NIPSNAP3B: variants seen among roughly 807,000 people sequenced by gnomAD.
NIPSNAP3B encodes the protein nipsnap homolog 3B, also known as protein NipSnap homolog 3B.
In NIPSNAP3B, 30 loss-of-function variants were observed where a neutral mutation model predicts 31.5. The ratio of observed to expected loss-of-function variants is 0.95; its 90% CI spans 0.71 to 1.29. The LOEUF (loss-of-function observed/expected upper bound fraction) is 1.29, where lower values mean the gene tolerates loss of function less well. NIPSNAP3B is among the 50% of genes most tolerant of loss of function. The probability of loss-of-function intolerance (pLI) is 0.00; values close to 1 mark genes in which losing one functional copy is unlikely to be tolerated. For synonymous variants in NIPSNAP3B, 106 were observed against 107.9 expected (o/e 0.98, Z 0.11); for missense variants, 269 against 300.7 (o/e 0.89, Z 0.78).
chr9:104,786,762 T>C, the NIPSNAP3B span: 1 of 1,027,106 alleles, frequency 9.7e-7, no homozygotes, highest in Non-Finnish European at 1.5e-6. Context: ...CAGGTAATAA[T>C]TGTTTTACTC....
At position 104,773,091 on chromosome 9, in the gene NIPSNAP3B, A is replaced by G. The variant is rs1828260947; in HGVS notation, c.*18A>G. ...TGAAATAGTTTTCTACTGAAATACAAAACATTTCATTAACTGCTCTAAGAT... is the reference window on the plus strand; with the variant it reads ...TGAAATAGTTTTCTACTGAAATACAGAACATTTCATTAACTGCTCTAAGAT... On this transcript the variant is annotated 3_prime_UTR_variant, in exon 6 of 6. Coordinates refer to ENST00000374762, the MANE Select transcript of NIPSNAP3B (RefSeq NM_018376.4). The G allele has an allele frequency of 6.2e-7, 1 of 1,607,218 alleles. No homozygotes were observed. The highest frequency in any genetic ancestry group is 8.5e-7 in the Non-Finnish European group (1 of 1,174,334).
intron 1 of NIPSNAP3B, among the ~76,000 whole-genome samples, chr9:104,764,640 A>G (rs758210907): frequency 9.9e-5 from 15 of 152,192 alleles, no homozygotes; most frequent in Non-Finnish European, 1.8e-4. Flanking sequence ...CCCGGGTTCA[A>G]GCGATTCTCC....
At chr9:104,768,511 C>T (rs1349314027) in intron 2 of NIPSNAP3B, among the ~76,000 whole-genome samples, 1 of 152,186 alleles carries the variant, frequency 6.6e-6, no homozygotes, top group Admixed American at 6.5e-5. Context: ...TTCATTTAAT[C>T]CTCACAACAA....
At chr9:104,785,361 T>C in the NIPSNAP3B span, 1 of 1,612,796 alleles carries the variant, frequency 6.2e-7, no homozygotes, top group African/African-American at 1.3e-5. Context: ...ATCCACACCC[T>C]GAGAAGTAAA....
In NIPSNAP3B at chr9:104,777,352, G is replaced by A. The variant is rs1828358266; in HGVS notation, c.*4279G>A. The stretch of plus-strand genomic sequence containing the variant: ...GAACCTGGAGTATGTTGGAAGAAGT[G>A]TTAGGTTCATTAGAGACACCTCTTT... On this transcript the variant is annotated 3_prime_UTR_variant, in exon 6 of 6. Transcript: ENST00000374762. The A allele has an allele frequency of 6.6e-6, 1 of 152,198 alleles. No homozygotes were observed. The allele number at this position is 152,198 out of a possible 1,614,324, so 9.4% of individuals were successfully genotyped here. A position where few individuals can be genotyped will look rare whatever the true frequency, so the allele number is the denominator to read the frequency against.
intron 1 of NIPSNAP3B, among the ~76,000 whole-genome samples, chr9:104,765,134 T>G (rs1377186909): frequency 6.6e-6 from 1 of 152,202 alleles, no homozygotes; most frequent in African/African-American, 2.4e-5. Context: ...AAGGGTTTTC[T>G]AAGAAAACTA....
chr9:104,774,946 A>C lies in NIPSNAP3B; in HGVS notation c.*1873A>C, dbSNP rs1414091692. Among the ~76,000 whole-genome samples the C allele has an allele frequency of 6.6e-6, 1 of 152,062 alleles. No individual in the cohort carries two copies. The highest frequency in any genetic ancestry group is 1.5e-5 in the Non-Finnish European group (1 of 68,026). ...CTTTTACTTAACAGAGAAAATAACA[A>C]TCAGAAGAGTCTTCATAAGTTCCCA... On this transcript the variant is annotated 3_prime_UTR_variant, in exon 6 of 6. Coordinates refer to ENST00000374762, the MANE Select transcript of NIPSNAP3B (RefSeq NM_018376.4).
chr9:104,777,908 G>T (rs2515605), downstream of NIPSNAP3B, among the ~76,000 whole-genome samples: 127,838 of 152,178 alleles, frequency 0.84, 54,007 homozygotes, highest in Admixed American at 0.9. Flanking sequence ...ATGACTCTTA[G>T]GAAGGTCACC....
Position 104,773,024 on chromosome 9 carries a change from C to T in NIPSNAP3B, c.695C>T (p.Ser232Phe). 6.2e-7 allele frequency: 1 copy of T among 1,614,128 alleles called. No homozygotes were observed. Among genetic ancestry groups the T allele is most frequent in the Non-Finnish European group, 8.5e-7 (1 of 1,179,984 alleles). ...AVRESVNYLVSQQNMLLIPAS... is the reference protein window; with the variant it reads ...AVRESVNYLVFQQNMLLIPAS... ...CGGGAAAGTGTCAACTACCTAGTTTCTCAGCAGAATATGCTTCTGATTCCT... is the reference window on the plus strand; with the variant it reads ...CGGGAAAGTGTCAACTACCTAGTTTTTCAGCAGAATATGCTTCTGATTCCT... Residue 232 changes from serine to phenylalanine, a missense_variant, in exon 6 of 6, where the codon TCT becomes TTT. Physicochemically the swap from Ser to Phe is radical, Grantham distance 155. Transcript: ENST00000374762.
chr9:104,765,383 C>G (rs776048794), intron 1 of NIPSNAP3B, among the ~76,000 whole-genome samples: 1 of 152,106 alleles, frequency 6.6e-6, no homozygotes, highest in African/African-American at 2.4e-5. Context: ...TAGAATGCCA[C>G]GGGAGTGGTC....
the NIPSNAP3B span, chr9:104,786,177 A>G: frequency 1.2e-6 from 1 of 838,542 alleles, no homozygotes; most frequent in Non-Finnish European, 2.0e-6. Context: ...CATTCTTTCC[A>G]CTATACTGTT....
downstream of NIPSNAP3B, among the ~76,000 whole-genome samples, chr9:104,778,161 G>T (rs760476882): frequency 1.3e-5 from 2 of 152,126 alleles, no homozygotes; most frequent in Non-Finnish European, 2.9e-5. Context: ...GCTCAAGAAT[G>T]TTCCCTATCT....
chr9:104,767,209 A>T (rs1167794478), intron 2 of NIPSNAP3B, among the ~76,000 whole-genome samples: 1 of 152,098 alleles, frequency 6.6e-6, no homozygotes, highest in African/African-American at 2.4e-5. Flanking sequence ...TCTGAGATTT[A>T]ATAATTCTGT....
chr9:104,772,862 A>G lies in NIPSNAP3B; in HGVS notation c.621A>G (p.Ala207=). ...LWWNESADSR[A]AGRHKSHEDP... The stretch of plus-strand genomic sequence containing the variant: ...GGAATGAGAGTGCAGATAGTCGTGC[A>G]GCTGGGAGACATAAGTCCCATGAGG... Residue 207 remains alanine, a synonymous_variant, in exon 5 of 6, where the codon GCA becomes GCG. Coordinates refer to ENST00000374762, the MANE Select transcript of NIPSNAP3B (RefSeq NM_018376.4). 1.2e-6 allele frequency: 2 copies of G among 1,613,648 alleles called. No individual in the cohort carries two copies. The highest frequency in any genetic ancestry group is 1.7e-6 in the Non-Finnish European group (2 of 1,179,780).
At chr9:104,783,810 T>G in the NIPSNAP3B span, 1 of 163,676 alleles carries the variant, frequency 6.1e-6, no homozygotes, top group Non-Finnish European at 1.3e-5. Flanking sequence ...TCTGAAAAAC[T>G]TGGCACTAAT....
In NIPSNAP3B at chr9:104,774,242, T is replaced by C. The variant is rs1828286824; in HGVS notation, c.*1169T>C. ...GTGAATTAGCTGTCCAAGGGCAATT[T>C]GGAAAACAAACTGTACAGTTTCCTC... On this transcript the variant is annotated 3_prime_UTR_variant, in exon 6 of 6. Coordinates refer to ENST00000374762, the MANE Select transcript of NIPSNAP3B (RefSeq NM_018376.4). Among the ~76,000 whole-genome samples, 1 of 152,244 alleles carries C rather than the reference T, an allele frequency of 6.6e-6. No individual in the cohort carries two copies. Among genetic ancestry groups the C allele is most frequent in the South Asian group, 2.1e-4 (1 of 4,832 alleles).
chr9:104,766,348 C>T lies in NIPSNAP3B; in HGVS notation c.84C>T (p.Gly28=), dbSNP rs370572755. ...APQVCSSFAT[G]PRQYDGTFYE... ...AGGTGTGTTCATCTTTTGCTACGGG[C>T]CCTAGACAATACGATGGAACGTTCT... The change falls in exon 2 of 6, where the codon GGC becomes GGT. Residue 28 remains glycine (G), a synonymous_variant. Coordinates refer to ENST00000374762, the MANE Select transcript of NIPSNAP3B (RefSeq NM_018376.4). The T allele has an allele frequency of 3.7e-6, 6 of 1,613,498 alleles. No homozygotes were observed. In the African/African-American group the frequency reaches 6.7e-5, roughly 18 times the overall value.
the NIPSNAP3B span, chr9:104,783,927 T>A: frequency 5.3e-6 from 1 of 187,722 alleles, no homozygotes; most frequent in Non-Finnish European, 1.1e-5. Context: ...TTGATTTTGA[T>A]CAATAATCGC....
Position 104,769,020 on chromosome 9 carries a change from A to T in NIPSNAP3B, c.429A>T (p.Glu143Asp). The change falls in exon 3 of 6, where the codon GAA (glutamate) becomes GAT (aspartate). Residue 143 changes from glutamate to aspartate, a missense_variant and splice_region_variant. Physicochemically the swap from Glu to Asp is conservative, Grantham distance 45. Transcript: ENST00000374762. ...CCAAATTAGAAAAGCCTCCAAAAGAAGGTGAGTTCTTCCCTCTTAGACTAT... is the reference window on the plus strand; with the variant it reads ...CCAAATTAGAAAAGCCTCCAAAAGATGGTGAGTTCTTCCCTCTTAGACTAT... Reference protein sequence around the residue: ...PWSKLEKPPKEGVYELAVFQM... With the variant: ...PWSKLEKPPKDGVYELAVFQM... 1 of 1,611,836 alleles carries T rather than the reference A, an allele frequency of 6.2e-7. No individual in the cohort carries two copies. The highest frequency in any genetic ancestry group is 8.5e-7 in the Non-Finnish European group (1 of 1,179,064).
Sources: allele counts gnomAD v4.1 joint callset (sites outside exome capture counted in the v4.1 genomes callset), GRCh38; gene constraint gnomAD v4.1.1; transcripts MANE v1.5; gene names NCBI Gene and HGNC (gene_info 2026-07-23, HGNC 2026-07-21).